MEF2D: variants seen among roughly 807,000 people sequenced by gnomAD.
MEF2D encodes the protein myocyte-specific enhancer factor 2D.
A neutral mutation model predicts 59.3 loss-of-function variants in MEF2D; 10 were observed. The ratio of observed to expected loss-of-function variants is 0.17; its 90% CI spans 0.10 to 0.29. MEF2D has a LOEUF of 0.29. Ranked by LOEUF, MEF2D falls within the 10% of genes least tolerant of loss-of-function variation. MEF2D has a pLI of 1.00. For missense variants in MEF2D, 508 were observed against 699.4 expected (o/e 0.73, Z 3.09); for synonymous variants, 305 against 295.0 (o/e 1.03, Z -0.35).
At position 156,468,890 on chromosome 1, in the gene MEF2D, T is replaced by TGGAGGCTGTGGCTGCTGC; in HGVS notation, c.1119_1136dup (p.Pro376_Gln381dup). 1 of 1,613,574 alleles carries TGGAGGCTGTGGCTGCTGC rather than the reference T, an allele frequency of 6.2e-7. No individual in the cohort carries two copies. The highest frequency in any genetic ancestry group is 8.5e-7 in the Non-Finnish European group (1 of 1,179,782). ...GCTGTGGCTGCGGTGGCTGCTGCTG[T>TGGAGGCTGTGGCTGCTGC]GGAGGCTGTGGCTGCTGCGGCTGCT... On this transcript the variant is annotated inframe_insertion, in exon 10 of 12. Coordinates refer to ENST00000348159, the MANE Select transcript of MEF2D (RefSeq NM_005920.4). The surrounding 1 kb of genome is among the most constrained non-coding windows in gnomAD (Gnocchi z 4.3).
intron 1 of MEF2D, among the ~76,000 whole-genome samples, chr1:156,495,489 C>G (rs543877812): frequency 1.3e-5 from 2 of 151,978 alleles, no homozygotes; most frequent in Non-Finnish European, 2.9e-5. Flanking sequence ...AACCCATCAC[C>G]TCTCTTCATT....
chr1:156,496,628 T>TC (rs1673145187), intron 1 of MEF2D, among the ~76,000 whole-genome samples: 2 of 152,278 alleles, frequency 1.3e-5, no homozygotes, highest in South Asian at 4.1e-4. Flanking sequence ...TTGCCTCCGG[T>TC]CCCCTCAACC....
chr1:156,471,700 T>A (rs1233114991), intron 9 of MEF2D, among the ~76,000 whole-genome samples: 1 of 152,228 alleles, frequency 6.6e-6, no homozygotes, highest in Non-Finnish European at 1.5e-5. Flanking sequence ...GGCCCTCACA[T>A]GAGGCATTAC....
chr1:156,479,172 G>C (rs1671814442), intron 6 of MEF2D, 118 bp downstream of exon 6: 1 of 803,742 alleles, frequency 1.2e-6, no homozygotes, highest in Non-Finnish European at 1.9e-6. Flanking sequence ...TCTTCATCCA[G>C]TCCTGGCCCT....
chr1:156,479,071 A>C (rs1199046356), intron 6 of MEF2D, among the ~76,000 whole-genome samples: 1 of 152,206 alleles, frequency 6.6e-6, no homozygotes, highest in East Asian at 1.9e-4. Context: ...CAGTTTGCCC[A>C]GAATTCCCTG....
At position 156,480,933 on chromosome 1, in the gene MEF2D, G is replaced by A. The variant is rs371433031; in HGVS notation, c.297C>T (p.Pro99=). ...RKKGFNGCDS[P]EPDGEDSLEQ... Reference sequence around the variant, plus strand: ...CCAGCGAGTCCTCCCCGTCGGGCTCGGGGCTGTCGCAGCCGTTGAAGCCCT... The same window carrying A: ...CCAGCGAGTCCTCCCCGTCGGGCTCAGGGCTGTCGCAGCCGTTGAAGCCCT... The change falls in exon 4 of 12, where the codon CCC becomes CCT. Residue 99 remains proline (P), a synonymous_variant. Transcript: ENST00000348159. 1.7e-5 allele frequency: 28 copies of A among 1,612,108 alleles called. No homozygotes were observed. Among genetic ancestry groups the A allele is most frequent in the East Asian group, 1.3e-4 (6 of 44,844 alleles).
At chr1:156,471,700 T>G (rs1233114991) in intron 9 of MEF2D, among the ~76,000 whole-genome samples, 1 of 152,228 alleles carries the variant, frequency 6.6e-6, no homozygotes, top group Admixed American at 6.5e-5. Flanking sequence ...GGCCCTCACA[T>G]GAGGCATTAC....
intron 8 of MEF2D, among the ~76,000 whole-genome samples, chr1:156,475,574 G>A (rs1671515701): frequency 6.6e-6 from 1 of 152,242 alleles, no homozygotes; most frequent in South Asian, 2.1e-4. Context: ...TCTCTCTGGA[G>A]CCCACTCTCC....
intron 1 of MEF2D, among the ~76,000 whole-genome samples, chr1:156,494,438 A>G (rs1375666446): frequency 6.6e-6 from 1 of 152,098 alleles, no homozygotes; most frequent in Non-Finnish European, 1.5e-5. Context: ...TCGTGGGGCT[A>G]AGTGTGGAGG....
intron 1 of MEF2D, among the ~76,000 whole-genome samples, chr1:156,489,631 A>G (rs555721538): frequency 9.2e-5 from 14 of 152,162 alleles, no homozygotes; most frequent in East Asian, 5.8e-4. Context: ...CGCTGGGGGA[A>G]TAACTCAACA....
chr1:156,467,984 C>T lies in MEF2D; in HGVS notation c.1554+9G>A, dbSNP rs1424015954. 1.2e-6 allele frequency: 2 copies of T among 1,606,402 alleles called. No homozygotes were observed. Among genetic ancestry groups the T allele is most frequent in the Admixed American group, 1.7e-5 (1 of 59,658 alleles). On this transcript the variant is annotated intron_variant, in intron 11 of 11. Transcript: ENST00000348159. ...ACACTGGCAGACAGGAGAGGTGATG[C>T]TACAGTACCCAGGTATCAAGCCGCA...
At position 156,467,977 on chromosome 1, in the gene MEF2D, G is replaced by C. The variant is rs760840297; in HGVS notation, c.1554+16C>G. 3 of 1,601,790 alleles carry C rather than the reference G, an allele frequency of 1.9e-6. No individual in the cohort carries two copies. The highest frequency in any genetic ancestry group is 2.6e-6 in the Non-Finnish European group (3 of 1,174,692). On this transcript the variant is annotated intron_variant, in intron 11 of 11. Transcript: ENST00000348159. ...GTAGCAGACACTGGCAGACAGGAGA[G>C]GTGATGCTACAGTACCCAGGTATCA...
chr1:156,469,276 G>C (rs1671073169), intron 9 of MEF2D, among the ~76,000 whole-genome samples: 1 of 151,990 alleles, frequency 6.6e-6, no homozygotes, highest in Non-Finnish European at 1.5e-5. Flanking sequence ...TTGTTTTTTT[G>C]AGATGGAGTC....
chr1:156,485,522 CTTTT>C (rs60165062), intron 1 of MEF2D, among the ~76,000 whole-genome samples: 46 of 131,744 alleles, frequency 3.5e-4, no homozygotes, highest in Admixed American at 4.5e-4. Flanking sequence ...TCTCCTTCTT[CTTTT>C]TTTTTTTTTT....
At chr1:156,498,478 T>G (rs1399641643) in intron 1 of MEF2D, among the ~76,000 whole-genome samples, 1 of 152,138 alleles carries the variant, frequency 6.6e-6, no homozygotes, top group African/African-American at 2.4e-5. Flanking sequence ...ACTATGAAGT[T>G]GTGCCTAAAA....
At chr1:156,475,306 A>T in intron 8 of MEF2D, 69 bp from the exon 9 acceptor site, 1 of 1,495,400 alleles carries the variant, frequency 6.7e-7, no homozygotes, top group Non-Finnish European at 8.9e-7. Context: ...CCTCCATCCC[A>T]AGGCCAAGGT....
At position 156,467,229 on chromosome 1, in the gene MEF2D, G is replaced by A. The variant is rs1670900498; in HGVS notation, c.*416C>T. The A allele has an allele frequency of 1.4e-5, 2 of 143,712 alleles. No homozygotes were observed. The highest frequency in any genetic ancestry group is 5.0e-4 in the South Asian group (2 of 4,012). The allele number at this position is 143,712 out of a possible 1,614,324, so 8.9% of individuals were successfully genotyped here. A position where few individuals can be genotyped will look rare whatever the true frequency, so the allele number is the denominator to read the frequency against. On this transcript the variant is annotated 3_prime_UTR_variant, in exon 12 of 12. Transcript: ENST00000348159. ...GGTTTCTGTTGTTTGGTAGTTTTTT[G>A]GTTATTTCCCTCTATCTGGGGGTGG... is the stretch of plus-strand genomic sequence containing the variant.
In MEF2D at chr1:156,464,600, A is replaced by G. The variant is rs1290440623; in HGVS notation, c.*3045T>C. 1 of 152,182 alleles carries G rather than the reference A, an allele frequency of 6.6e-6. No individual in the cohort carries two copies. The highest frequency in any genetic ancestry group is 1.5e-5 in the Non-Finnish European group (1 of 68,066). 9.4% of individuals were successfully genotyped at this position (152,182 alleles called of 1,614,324 possible). On this transcript the variant is annotated 3_prime_UTR_variant, in exon 12 of 12. Transcript: ENST00000348159. ...GCGAATTTGGCTTGAGAGGAAGAAG[A>G]CATTAAGTCCTCATCTGAGGTCTGG...
rs997432774 is a variant in MEF2D, at chr1:156,464,646, C to G, written c.*2999G>C. The G allele has an allele frequency of 1.3e-5, 2 of 152,214 alleles. No individual in the cohort carries two copies. The highest frequency in any genetic ancestry group is 2.9e-5 in the Non-Finnish European group (2 of 68,056). The allele number at this position is 152,214 out of a possible 1,614,324, so 9.4% of individuals were successfully genotyped here. A position where few individuals can be genotyped will look rare whatever the true frequency, so the allele number is the denominator to read the frequency against. ...TCTGGGTTCCCAGGGACCCATTCAT[C>G]TGGCCGCCCAGGAGCCCCTACCCCC... On this transcript the variant is annotated 3_prime_UTR_variant, in exon 12 of 12. Transcript: ENST00000348159.
Sources: allele counts gnomAD v4.1 joint callset (sites outside exome capture counted in the v4.1 genomes callset), GRCh38; gene constraint gnomAD v4.1.1; non-coding constraint Gnocchi (gnomAD v3.1); transcripts MANE v1.5; gene names NCBI Gene and HGNC (gene_info 2026-07-23, HGNC 2026-07-21).